Variants in TRIM69 observed in about 807,000 individuals in gnomAD.
TRIM69 encodes the protein tripartite motif containing 69.
In TRIM69, 29 loss-of-function variants were observed where a neutral mutation model predicts 37.7. The ratio of observed to expected loss-of-function variants is 0.77; its 90% CI spans 0.57 to 1.05. The LOEUF is 1.05. Ranked by LOEUF, TRIM69 falls within the 50% of genes least tolerant of loss-of-function variation. The probability of loss-of-function intolerance (pLI) is 0.00; values close to 1 mark genes in which losing one functional copy is unlikely to be tolerated. For synonymous variants in TRIM69, 209 were observed against 212.4 expected, an observed-to-expected ratio of 0.98 and a Z score of 0.14; for missense variants, 596 against 579.9, an observed-to-expected ratio of 1.03 and a Z score of -0.28.
intron 1 of TRIM69, among the ~76,000 whole-genome samples, chr15:44,741,796 A>T (rs1015536430): frequency 1.3e-5 from 2 of 152,230 alleles, no homozygotes; most frequent in Non-Finnish European, 2.9e-5. Flanking sequence ...ATAGACCAAT[A>T]ACAGGCTCCG....
chr15:44,765,787 A>AC (rs2087875087), intron 6 of TRIM69, among the ~76,000 whole-genome samples: 3 of 144,120 alleles, frequency 2.1e-5, no homozygotes, highest in Admixed American at 1.3e-4. Flanking sequence ...AAACAAACAA[A>AC]AAAAAAACAG....
chr15:44,745,977 A>G (rs1326612960), intron 1 of TRIM69, among the ~76,000 whole-genome samples: 3 of 152,162 alleles, frequency 2.0e-5, no homozygotes, highest in Admixed American at 6.6e-5. Context: ...TAAGGAAATA[A>G]TGGTTTAAAA....
In TRIM69 at chr15:44,759,817, C is replaced by CA. The variant is rs775237677; in HGVS notation, c.909dup (p.Gly304ArgfsTer27). On this transcript the variant is annotated frameshift_variant, in exon 6 of 7. Coordinates refer to ENST00000329464, the MANE Select transcript of TRIM69 (RefSeq NM_182985.5). LOFTEE classifies it high-confidence loss of function. ...CCAGAAAGCTGAACCTGGGCCAGTA[C>CA]AAAGGTCCTATCCAGTACATGGTAT... 6.2e-7 allele frequency: 1 copy of CA among 1,614,164 alleles called. No homozygotes were observed. The highest frequency in any genetic ancestry group is 1.7e-5 in the Admixed American group (1 of 60,018).
Position 44,763,626 on chromosome 15 carries a change from T to C in TRIM69, c.962-3605T>C, listed in dbSNP as rs145124307. Among the ~76,000 whole-genome samples the C allele has an allele frequency of 1.2e-4, 19 of 152,322 alleles. No individual in the cohort carries two copies. In the East Asian group the frequency reaches 3.5e-3, roughly 28 times the overall value. ...TGCCCTGGAGATTTGTCTCTTCTGG[T>C]TGGTAATTTTTTACTGGATGCCAAA... On this transcript the variant is annotated intron_variant, in intron 6 of 6. Coordinates refer to ENST00000329464, the MANE Select transcript of TRIM69 (RefSeq NM_182985.5).
intron 1 of TRIM69, among the ~76,000 whole-genome samples, chr15:44,747,309 G>A (rs1041390337): frequency 2.0e-5 from 3 of 152,082 alleles, no homozygotes; most frequent in African/African-American, 4.8e-5. Context: ...TGATCATGGG[G>A]AAAAAAGAAC....
rs2087936211 is a variant in TRIM69, at chr15:44,767,791, A to C, written c.*19A>C. 6.3e-7 allele frequency: 1 copy of C among 1,579,216 alleles called. No individual in the cohort carries two copies. Among genetic ancestry groups the C allele is most frequent in the South Asian group, 1.1e-5 (1 of 87,536 alleles). ...ACAGTAATGAGTCATAATATTATAC[A>C]AATTCAGAGTGTTATTAAAGAGGTA... is the stretch of plus-strand genomic sequence containing the variant. On this transcript the variant is annotated 3_prime_UTR_variant, in exon 7 of 7. Transcript: ENST00000329464.
intron 1 of TRIM69, among the ~76,000 whole-genome samples, chr15:44,746,762 AC>A (rs2087417227): frequency 6.6e-6 from 1 of 152,064 alleles, no homozygotes; most frequent in Non-Finnish European, 1.5e-5. Flanking sequence ...ACACACACAC[AC>A]ACACACACAC....
intron 1 of TRIM69, among the ~76,000 whole-genome samples, chr15:44,747,696 T>A (rs1167621820): frequency 6.6e-6 from 1 of 152,104 alleles, no homozygotes; most frequent in East Asian, 1.9e-4. Context: ...AGATCAGGCA[T>A]CAGCAATAGG....
chr15:44,748,825 CAAAA>C (rs375092348), intron 1 of TRIM69, among the ~76,000 whole-genome samples: 42 of 114,258 alleles, frequency 3.7e-4, no homozygotes, highest in African/African-American at 1.2e-3. Context: ...GACTTTGTCT[CAAAA>C]AAAAAAAAAA....
intron 1 of TRIM69, among the ~76,000 whole-genome samples, chr15:44,750,511 T>C (rs1160065993): frequency 2.0e-5 from 3 of 152,096 alleles, no homozygotes; most frequent in Non-Finnish European, 4.4e-5. Context: ...CTCATCTGGG[T>C]TGTTCATTTG....
chr15:44,758,465 C>T (rs1596031758), intron 3 of TRIM69, 156 bp from the exon 4 acceptor site: 1 of 1,125,534 alleles, frequency 8.9e-7, no homozygotes, highest in East Asian at 2.6e-5. Flanking sequence ...TCCCAAAGGA[C>T]TCATTTTAGT....
rs2087731008 is a variant in TRIM69 at position 44,759,681 on chromosome 15, T to A, written c.836+19T>A. The A allele has an allele frequency of 6.2e-7, 1 of 1,613,948 alleles. No individual in the cohort carries two copies. Among genetic ancestry groups the A allele is most frequent in the Admixed American group, 1.7e-5 (1 of 60,010 alleles). On this transcript the variant is annotated intron_variant, in intron 5 of 6. Transcript: ENST00000329464. ...TACATAGGTAAGTGTTTCCCTATGG[T>A]ACTATTAATATCATTCCTTGAGTCT...
At chr15:44,746,750 GCACACACACA>G (rs10561330) in intron 1 of TRIM69, among the ~76,000 whole-genome samples, 4 of 150,382 alleles carry the variant, frequency 2.7e-5, no homozygotes, top group South Asian at 2.1e-4. Flanking sequence ...ACGTGCACGT[GCACACACACA>G]CACACACACA....
intron 3 of TRIM69, chr15:44,757,216 C>A (rs1173234420): frequency 6.6e-6 from 1 of 152,024 alleles, no homozygotes; most frequent in Non-Finnish European, 1.5e-5. Context: ...ATTCATTTAA[C>A]AAATATTTAT....
chr15:44,758,905 G>T (rs780517306), intron 4 of TRIM69, 51 bp downstream of exon 4: 1 of 1,563,528 alleles, frequency 6.4e-7, no homozygotes, highest in Non-Finnish European at 8.7e-7. Context: ...CTAGAGGGGG[G>T]AAGAGGTTTG....
rs766500989 is a variant in TRIM69 at position 44,767,397 on chromosome 15, A to G, written c.1128A>G (p.Gly376=). 109 of 1,614,016 alleles carry G rather than the reference A, an allele frequency of 6.8e-5. No homozygotes were observed. The highest frequency in any genetic ancestry group is 8.8e-5 in the Non-Finnish European group (104 of 1,180,028). ...TGGGCTCAAGAGGCTTCACCTCTGG[A>G]AAGTGGTACTGGGAAGTAGAAGTAG... ...AVLGSRGFTS[G]KWYWEVEVAK... The change falls in exon 7 of 7, where the codon GGA becomes GGG. Residue 376 remains glycine, a synonymous_variant. Coordinates refer to ENST00000329464, the MANE Select transcript of TRIM69 (RefSeq NM_182985.5).
At chr15:44,737,842 G>A (rs1305225026) in intron 1 of TRIM69, among the ~76,000 whole-genome samples, 1 of 152,010 alleles carries the variant, frequency 6.6e-6, no homozygotes. Flanking sequence ...AAGGAATAAA[G>A]GTTGAAAAGC....
chr15:44,763,316 T>G (rs1312659028), intron 6 of TRIM69, among the ~76,000 whole-genome samples: 1 of 152,188 alleles, frequency 6.6e-6, no homozygotes, highest in African/African-American at 2.4e-5. Flanking sequence ...CTCATAAAAT[T>G]TGGGTTATTA....
intron 1 of TRIM69, chr15:44,753,593 T>C (rs972988095): frequency 3.3e-5 from 5 of 152,242 alleles, no homozygotes; most frequent in African/African-American, 9.6e-5. Flanking sequence ...TCCTTGTCAT[T>C]GGACACTTCA....
Sources: allele counts gnomAD v4.1 joint callset (sites outside exome capture counted in the v4.1 genomes callset), GRCh38; gene constraint gnomAD v4.1.1; transcripts MANE v1.5; gene names NCBI Gene and HGNC (gene_info 2026-07-23, HGNC 2026-07-21).